Variants in DEFB1 observed in about 807,000 individuals in gnomAD.
The protein encoded by DEFB1 is beta-defensin 1.
DEFB1 carries 4 observed loss-of-function variants against 2.6 expected under a neutral mutation model. That is an observed-to-expected ratio of 1.53 (90% confidence interval 0.76 to 3.51). DEFB1 has a LOEUF of 3.51. DEFB1 is among the 30% of genes most tolerant of loss of function. DEFB1 has a pLI of 0.01. For synonymous variants in DEFB1, 56 were observed against 28.5 expected (o/e 1.96, Z -3.07); for missense variants, 162 against 76.9 (o/e 2.11, Z -4.14).
intron 1 of DEFB1, among the ~76,000 whole-genome samples, chr8:6,871,844 G>A (rs930618050): frequency 3.9e-5 from 6 of 152,132 alleles, no homozygotes; most frequent in African/African-American, 1.4e-4. Context: ...CCAGGACTGC[G>A]AGGAAATAAA....
rs1806595666 is a variant in DEFB1 at position 6,877,910 on chromosome 8, C to A, written c.-53G>T. 1 of 1,544,612 alleles carries A rather than the reference C, an allele frequency of 6.5e-7. No homozygotes were observed. Among genetic ancestry groups the A allele is most frequent in the Admixed American group, 1.7e-5 (1 of 59,814 alleles). On this transcript the variant is annotated 5_prime_UTR_variant, in exon 1 of 2. The change creates a new upstream start codon in the 5' untranslated region. Transcript: ENST00000297439. ...TCAGGAACTGGGGAGACGCTGGCTC[C>A]TTTGGAGGCTGAGCTGACAGAGGCT... is the stretch of plus-strand genomic sequence containing the variant.
chr8:6,875,951 C>T lies in DEFB1; in HGVS notation c.61+1846G>A, dbSNP rs45499493. 1.7e-3 allele frequency among the ~76,000 whole-genome samples: 251 copies of T among 151,856 alleles called. 9 individuals carry two copies. In the South Asian group the frequency reaches 0.047, roughly 28 times the overall value. Reference sequence around the variant, plus strand: ...GGAGGGAGTTGTGACTGGGAAGGCTCGAGAATAGCTTCTCATAATTCAATT... The same window carrying T: ...GGAGGGAGTTGTGACTGGGAAGGCTTGAGAATAGCTTCTCATAATTCAATT... On this transcript the variant is annotated intron_variant, in intron 1 of 1. Coordinates refer to ENST00000297439, the MANE Select transcript of DEFB1 (RefSeq NM_005218.4).
intron 1 of DEFB1, among the ~76,000 whole-genome samples, chr8:6,876,874 T>C (rs574771341): frequency 8.7e-5 from 13 of 149,724 alleles, no homozygotes; most frequent in African/African-American, 1.7e-4. Context: ...ACAAAATCCA[T>C]TGTAGCAACT....
chr8:6,870,896 A>G (rs1277097329), intron 1 of DEFB1, 70 bp from the exon 2 acceptor site: 6 of 1,505,744 alleles, frequency 4.0e-6, no homozygotes, highest in African/African-American at 1.4e-5. Context: ...ACATCTCGCG[A>G]AAGCAGAACA....
At chr8:6,874,782 G>C (rs1423285284) in intron 1 of DEFB1, among the ~76,000 whole-genome samples, 1 of 152,148 alleles carries the variant, frequency 6.6e-6, no homozygotes, top group Non-Finnish European at 1.5e-5. Context: ...AGGTATTTGA[G>C]ACCAGCCTGG....
At chr8:6,874,030 T>C (rs1431237822) in intron 1 of DEFB1, among the ~76,000 whole-genome samples, 1 of 152,182 alleles carries the variant, frequency 6.6e-6, no homozygotes, top group East Asian at 1.9e-4. Flanking sequence ...CTTAAGGATG[T>C]TAGTGTAATC....
chr8:6,871,026 G>A (rs1806292100), intron 1 of DEFB1, among the ~76,000 whole-genome samples, 200 bp from the exon 2 acceptor site: 1 of 152,264 alleles, frequency 6.6e-6, no homozygotes, highest in African/African-American at 2.4e-5. Flanking sequence ...TATGCCAGCT[G>A]TGGCCAAATA....
At chr8:6,874,084 G>A (rs1008180679) in intron 1 of DEFB1, among the ~76,000 whole-genome samples, 4 of 151,616 alleles carry the variant, frequency 2.6e-5, no homozygotes, top group East Asian at 3.9e-4. Flanking sequence ...TTGTGGACCA[G>A]GCAGCCCAAA....
chr8:6,876,244 A>G (rs556868198), intron 1 of DEFB1, among the ~76,000 whole-genome samples: 2 of 152,316 alleles, frequency 1.3e-5, no homozygotes, highest in South Asian at 4.1e-4. Context: ...TGGGAGGCGG[A>G]GGCAGGCGGA....
chr8:6,872,036 C>T (rs1432609317), intron 1 of DEFB1, among the ~76,000 whole-genome samples: 1 of 152,178 alleles, frequency 6.6e-6, no homozygotes, highest in Non-Finnish European at 1.5e-5. Context: ...TAACTTCCAT[C>T]CAAAGGCTAT....
intron 1 of DEFB1, among the ~76,000 whole-genome samples, chr8:6,874,067 C>T (rs1461150799): frequency 6.6e-6 from 1 of 151,654 alleles, no homozygotes; most frequent in Non-Finnish European, 1.5e-5. Flanking sequence ...TTTTTGTTTT[C>T]CAATAATTGT....
intron 1 of DEFB1, among the ~76,000 whole-genome samples, chr8:6,871,156 C>G (rs139958216): frequency 9.7e-4 from 148 of 152,296 alleles, no homozygotes; most frequent in African/African-American, 3.3e-3. Context: ...TCAACACACC[C>G]CAAAATCACA....
At chr8:6,874,663 C>T (rs144592700) in intron 1 of DEFB1, among the ~76,000 whole-genome samples, 1 of 152,052 alleles carries the variant, frequency 6.6e-6, no homozygotes, top group African/African-American at 2.4e-5. Context: ...CTCAGCAGAA[C>T]AGTGGGGAAA....
Position 6,871,864 on chromosome 8 carries a change from T to C in DEFB1, c.62-1038A>G, listed in dbSNP as rs147776985. On this transcript the variant is annotated intron_variant, in intron 1 of 1. Transcript: ENST00000297439. ...ACTGCGAGGAAATAAATTTCTGTTG[T>C]TTAAACTGCCTGGTCTGTTTATGGG... 2.7e-3 allele frequency among the ~76,000 whole-genome samples: 407 copies of C among 152,326 alleles called. 2 individuals are homozygous for C. Among genetic ancestry groups the C allele is most frequent in the African/African-American group, 9.3e-3 (385 of 41,566 alleles).
intron 1 of DEFB1, among the ~76,000 whole-genome samples, chr8:6,871,242 G>A (rs866233710): frequency 1.2e-4 from 18 of 152,166 alleles, no homozygotes; most frequent in African/African-American, 4.3e-4. Flanking sequence ...CATGCCTTCA[G>A]TTACGCTGTT....
At chr8:6,874,220 G>C (rs1385476192) in intron 1 of DEFB1, among the ~76,000 whole-genome samples, 1 of 151,984 alleles carries the variant, frequency 6.6e-6, no homozygotes, top group Non-Finnish European at 1.5e-5. Flanking sequence ...CAAGATTTGA[G>C]AGAAAGACCG....
At chr8:6,875,744 T>A (rs1455010031) in intron 1 of DEFB1, among the ~76,000 whole-genome samples, 1 of 152,218 alleles carries the variant, frequency 6.6e-6, no homozygotes, top group Non-Finnish European at 1.5e-5. Context: ...TAGCCTATGA[T>A]CCGGTGATGC....
At chr8:6,873,754 A>G (rs1032889109) in intron 1 of DEFB1, among the ~76,000 whole-genome samples, 4 of 151,750 alleles carry the variant, frequency 2.6e-5, no homozygotes, top group Admixed American at 2.6e-4. Flanking sequence ...ATCACATTCC[A>G]TTCCTCAGCA....
intron 1 of DEFB1, among the ~76,000 whole-genome samples, chr8:6,875,161 T>C (rs1806479412): frequency 6.6e-6 from 1 of 151,448 alleles, no homozygotes; most frequent in Non-Finnish European, 1.5e-5. Context: ...AAGGATAAGC[T>C]TTTAGAAGAC....
Sources: gnomAD v4.1 joint callset for allele counts (sites outside exome capture counted in the v4.1 genomes callset) on GRCh38, gnomAD v4.1.1 for gene constraint, MANE v1.5 for transcripts, NCBI Gene and HGNC (gene_info 2026-07-23, HGNC 2026-07-21) for gene names.